The following SPECC1L variants were observed in gnomAD, a reference collection of about 807,000 sequenced individuals.
The protein encoded by SPECC1L is sperm antigen with calponin homology and coiled-coil domains 1 like, also known as cytospin-A.
In SPECC1L, 40 loss-of-function variants were observed where a neutral mutation model predicts 116.8. The ratio of observed to expected loss-of-function variants is 0.34; its 90% confidence interval spans 0.27 to 0.45. The LOEUF is 0.45. Ranked by LOEUF, SPECC1L falls within the 20% of genes least tolerant of loss-of-function variation. The probability of loss-of-function intolerance (pLI) is 1.00; values close to 1 mark genes in which losing one functional copy is unlikely to be tolerated. For synonymous variants in SPECC1L, 504 were observed against 500.6 expected, an observed-to-expected ratio of 1.01 and a Z score of -0.09; for missense variants, 1,110 against 1,373.6, an observed-to-expected ratio of 0.81 and a Z score of 3.03.
chr22:24,335,696 G>A (rs1055549906), intron 9 of SPECC1L, among the ~76,000 whole-genome samples: 2 of 152,182 alleles, frequency 1.3e-5, no homozygotes, highest in Non-Finnish European at 2.9e-5. Flanking sequence ...AAAGTCACAT[G>A]TATACTCCTA....
At chr22:24,391,384 A>ATT in intron 14 of SPECC1L, among the ~76,000 whole-genome samples, 1 of 152,140 alleles carries the variant, frequency 6.6e-6, no homozygotes, top group Non-Finnish European at 1.5e-5. Context: ...ATTTCCAGAA[A>ATT]TTTCAGGGCT....
At chr22:24,369,418 C>G in intron 14 of SPECC1L, 98 bp downstream of exon 14, 1 of 880,710 alleles carries the variant, frequency 1.1e-6, no homozygotes, top group Non-Finnish European at 1.9e-6. Context: ...ATGATAAGTC[C>G]TGACCTGGCA....
intron 8 of SPECC1L, among the ~76,000 whole-genome samples, chr22:24,332,963 T>C (rs2146515844): frequency 6.6e-6 from 1 of 152,276 alleles, no homozygotes; most frequent in South Asian, 2.1e-4. Flanking sequence ...GCGCAGTGGC[T>C]CATGCCTGTG....
At chr22:24,356,580 C>T (rs532792715) in intron 11 of SPECC1L, among the ~76,000 whole-genome samples, 23 of 152,042 alleles carry the variant, frequency 1.5e-4, no homozygotes, top group African/African-American at 2.4e-4. Context: ...TTCTTGTAGA[C>T]GGTATATAGT....
chr22:24,367,064 C>T (rs1050932679), intron 13 of SPECC1L, among the ~76,000 whole-genome samples: 6 of 152,104 alleles, frequency 3.9e-5, no homozygotes, highest in Non-Finnish European at 5.9e-5. Context: ...TCTGGTTTTG[C>T]GCACCTGCAG....
chr22:24,277,505 G>T (rs2048859956), intron 2 of SPECC1L, among the ~76,000 whole-genome samples: 1 of 152,164 alleles, frequency 6.6e-6, no homozygotes, highest in Non-Finnish European at 1.5e-5. Context: ...ACCTCAAAAA[G>T]AAGTCTGTAC....
chr22:24,299,604 C>T (rs1340814805), intron 2 of SPECC1L, among the ~76,000 whole-genome samples: 4 of 152,106 alleles, frequency 2.6e-5, no homozygotes, highest in Admixed American at 2.6e-4. Context: ...TAATCTTTCT[C>T]TTTATCACAT....
rs1181597990 is a variant in SPECC1L at position 24,321,318 on chromosome 22, C to T, written c.338C>T (p.Ser113Phe). 5.6e-6 allele frequency: 9 copies of T among 1,614,172 alleles called. No individual in the cohort carries two copies. In the Admixed American group the frequency reaches 1.5e-4, roughly 27 times the overall value. Residue 113 changes from serine (S) to phenylalanine (F), a missense_variant, in exon 5 of 17, where the codon TCT (serine) becomes TTT (phenylalanine). Physicochemically the swap from Ser to Phe is radical, Grantham distance 155. Around this residue, in one of 4 missense-constraint regions of SPECC1L, gnomAD observed 437 missense variants for 482.6 expected, o/e 0.91. Coordinates refer to ENST00000314328, the MANE Select transcript of SPECC1L (RefSeq NM_015330.6). ...GCTTCTTCAACCAAGCGGAGCACTT[C>T]TACAGGTAATAAAGAATCCAGTTCT... is the stretch of plus-strand genomic sequence containing the variant. ...GTASSTKRST[S>F]TGNKESSSTR...
In SPECC1L at chr22:24,306,906, A is replaced by C. The variant is rs5751842; in HGVS notation, c.153+4522A>C. On this transcript the variant is annotated intron_variant, in intron 3 of 16. Coordinates refer to ENST00000314328, the MANE Select transcript of SPECC1L (RefSeq NM_015330.6). ...CCTTATATAAGTGGAATCATATACC[A>C]CTTGTTTTGTGTCTGGCTTATTTAA... Among the ~76,000 whole-genome samples the C allele has an allele frequency of 0.01, 1,579 of 152,160 alleles. 75 individuals carry two copies. In the South Asian group the frequency reaches 0.12, roughly 11 times the overall value.
chr22:24,272,764 G>C (rs930630762), intron 1 of SPECC1L, among the ~76,000 whole-genome samples: 4 of 151,902 alleles, frequency 2.6e-5, no homozygotes, highest in African/African-American at 9.7e-5. Context: ...GTATTGTTGT[G>C]GGTAAAATTG....
At chr22:24,332,626 TGA>T (rs894155950) in intron 8 of SPECC1L, among the ~76,000 whole-genome samples, 159 of 152,260 alleles carry the variant, frequency 1.0e-3, no homozygotes, top group African/African-American at 3.8e-3. Context: ...ACAGAAGAAA[TGA>T]GAGTTTAGCT....
At chr22:24,297,425 T>G (rs2049288923) in intron 2 of SPECC1L, among the ~76,000 whole-genome samples, 2 of 152,202 alleles carry the variant, frequency 1.3e-5, no homozygotes, top group South Asian at 4.1e-4. Context: ...TTAAGTGTAT[T>G]ACTAGTCTTG....
At chr22:24,349,151 C>T (rs2041368193) in intron 11 of SPECC1L, among the ~76,000 whole-genome samples, 1 of 152,192 alleles carries the variant, frequency 6.6e-6, no homozygotes, top group Admixed American at 6.5e-5. Context: ...AGTGATTCTC[C>T]TGCCTCAGCC....
rs535509309 is a variant in SPECC1L at position 24,408,060 on chromosome 22, G to A, written c.3088-3528G>A. 4.1e-4 allele frequency among the ~76,000 whole-genome samples: 62 copies of A among 152,228 alleles called. 3 individuals carry two copies. The South Asian group carries it at 0.012, about 28-fold the overall frequency. On this transcript the variant is annotated intron_variant, in intron 14 of 16. Coordinates refer to ENST00000314328, the MANE Select transcript of SPECC1L (RefSeq NM_015330.6). The stretch of plus-strand genomic sequence containing the variant: ...CCTCACCCTCCTTCCAGACTGCTGC[G>A]GGTGGCTGTGAGAGTGAAAGTGAGT...
intron 11 of SPECC1L, among the ~76,000 whole-genome samples, chr22:24,355,415 G>T (rs2041511467): frequency 6.6e-6 from 1 of 150,954 alleles, no homozygotes; most frequent in Non-Finnish European, 1.5e-5. Context: ...CAACTCATGT[G>T]TATACACTAT....
chr22:24,385,332 A>G (rs1264017839), intron 14 of SPECC1L, among the ~76,000 whole-genome samples: 1 of 152,184 alleles, frequency 6.6e-6, no homozygotes, highest in African/African-American at 2.4e-5. Context: ...AAAGAACTAA[A>G]GGTATAGTAA....
intron 14 of SPECC1L, among the ~76,000 whole-genome samples, chr22:24,407,386 G>T (rs968208543): frequency 5.9e-5 from 9 of 152,168 alleles, no homozygotes; most frequent in African/African-American, 1.9e-4. Context: ...CGGGGTGTTG[G>T]GTTTATCTTG....
chr22:24,301,938 C>T (rs1303997749), intron 2 of SPECC1L, among the ~76,000 whole-genome samples: 1 of 151,422 alleles, frequency 6.6e-6, no homozygotes. Context: ...CCCAACTACT[C>T]GGAAGGCTGA....
intron 11 of SPECC1L, 49 bp from the exon 12 acceptor site, chr22:24,363,212 A>G (rs2041679479): frequency 2.7e-6 from 4 of 1,497,484 alleles, no homozygotes; most frequent in Non-Finnish European, 3.7e-6. Context: ...TTATTACTTT[A>G]AAGTTCAGCA....
Sources: allele counts gnomAD v4.1 joint callset (sites outside exome capture counted in the v4.1 genomes callset), GRCh38; gene constraint gnomAD v4.1.1; regional missense constraint gnomAD v4.1.1; transcripts MANE v1.5; gene names NCBI Gene and HGNC (gene_info 2026-07-23, HGNC 2026-07-21).